PCDH9: variants seen among roughly 807,000 people sequenced by gnomAD.
The protein encoded by PCDH9 is protocadherin-9.
Under a neutral mutation model 70.6 loss-of-function variants are expected in PCDH9, and 24 were observed. The ratio of observed to expected loss-of-function variants is 0.34; its 90% CI spans 0.25 to 0.48. The LOEUF (loss-of-function observed/expected upper bound fraction) is 0.48, where lower values mean the gene tolerates loss of function less well. Among genes scored for constraint, PCDH9 ranks in the 20% least tolerant of loss-of-function variants. PCDH9 has a pLI of 0.99. For synonymous variants in PCDH9, 562 were observed against 558.5 expected (o/e 1.01, Z -0.09); for missense variants, 1,281 against 1,503.6 (o/e 0.85, Z 2.45).
At position 66,700,304 on chromosome 13, in the gene PCDH9, G is replaced by A. The variant is rs538808360; in HGVS notation, c.3139-68893C>T. Among the ~76,000 whole-genome samples the A allele has an allele frequency of 7.9e-5, 12 of 152,246 alleles. No individual in the cohort carries two copies. The South Asian group carries it at 2.1e-3, about 26-fold the overall frequency. ...TCTCTCGGCAGATTGTTAACATAAT[G>A]AGACAGAAGCCGACAAGAGGTCCTG... is the stretch of plus-strand genomic sequence containing the variant. On this transcript the variant is annotated intron_variant, in intron 3 of 4. Transcript: ENST00000377865.
rs199954708 is a variant in PCDH9 at position 66,497,234 on chromosome 13, A to AT, written c.3340+133975dup. ...CAAGCATGTGTCACCACACCTGGCT[A>AT]TTTTTTTTTTTGTATTTTTGGTAGA... On this transcript the variant is annotated intron_variant, in intron 4 of 4. Transcript: ENST00000377865. 3.4e-3 allele frequency among the ~76,000 whole-genome samples: 496 copies of AT among 143,964 alleles called. 3 individuals are homozygous for AT. The highest frequency in any genetic ancestry group is 0.023 in the South Asian group (104 of 4,520). 94.4% of individuals were successfully genotyped at this position (143,964 alleles called of 152,430 possible).
intron 2 of PCDH9, among the ~76,000 whole-genome samples, chr13:66,982,664 C>T (rs947132339): frequency 6.6e-6 from 1 of 152,086 alleles, no homozygotes; most frequent in African/African-American, 2.4e-5. Context: ...CCACCTCTGT[C>T]GAAACTAACT....
rs375788972 is a variant in PCDH9, at chr13:67,225,745, G to C, written c.2696C>G (p.Pro899Arg). Residue 899 changes from proline (P) to arginine (R), a missense_variant, in exon 2 of 5, where the codon CCT becomes CGT. Transcript: ENST00000377865. ...ESKPDDAVHE[P>R]INGTISLPAE... ...CGGCAGGCTTATTGTCCCATTGATA[G>C]GTTCATGAACTGCATCATCGGGTTT... The C allele has an allele frequency of 1.9e-6, 3 of 1,613,896 alleles. No individual in the cohort carries two copies. The highest frequency in any genetic ancestry group is 1.7e-6 in the Non-Finnish European group (2 of 1,179,926).
intron 2 of PCDH9, among the ~76,000 whole-genome samples, chr13:67,088,935 G>A (rs2086162743): frequency 1.3e-5 from 2 of 152,132 alleles, no homozygotes; most frequent in African/African-American, 4.8e-5. Flanking sequence ...AGCAGTAGCT[G>A]TAAGATTAGA....
At chr13:66,407,853 A>G (rs1957306183) in intron 4 of PCDH9, among the ~76,000 whole-genome samples, 1 of 152,130 alleles carries the variant, frequency 6.6e-6, no homozygotes, top group South Asian at 2.1e-4. Context: ...ACACCTTAAA[A>G]CTACATGTAC....
chr13:67,150,055 TA>T (rs1426806743), intron 2 of PCDH9, among the ~76,000 whole-genome samples: 10 of 152,196 alleles, frequency 6.6e-5, no homozygotes, highest in Non-Finnish European at 8.8e-5. Context: ...ATTTTATTTT[TA>T]TTTTTTTGAT....
At chr13:67,145,257 G>T (rs1374634161) in intron 2 of PCDH9, among the ~76,000 whole-genome samples, 1 of 152,024 alleles carries the variant, frequency 6.6e-6, no homozygotes, top group Non-Finnish European at 1.5e-5. Context: ...CAAAGAGGAA[G>T]TTTTCAAGAA....
At chr13:66,338,071 C>A (rs1248184217) in intron 4 of PCDH9, among the ~76,000 whole-genome samples, 1 of 152,076 alleles carries the variant, frequency 6.6e-6, no homozygotes, top group Admixed American at 6.6e-5. Flanking sequence ...GTTAATTAGG[C>A]AGCCAAAACC....
At chr13:66,344,853 GAC>G (rs1170186221) in intron 4 of PCDH9, among the ~76,000 whole-genome samples, 1 of 152,186 alleles carries the variant, frequency 6.6e-6, no homozygotes, top group Non-Finnish European at 1.5e-5. Context: ...AGAGAAGACT[GAC>G]ACAGGACTGC....
At chr13:67,043,046 T>C (rs2085153684) in intron 2 of PCDH9, among the ~76,000 whole-genome samples, 1 of 152,160 alleles carries the variant, frequency 6.6e-6, no homozygotes, top group South Asian at 2.1e-4. Context: ...ACAAGTTTAG[T>C]ATAATTGGGA....
At chr13:66,385,797 C>A (rs953671278) in intron 4 of PCDH9, among the ~76,000 whole-genome samples, 1 of 152,046 alleles carries the variant, frequency 6.6e-6, no homozygotes, top group Non-Finnish European at 1.5e-5. Flanking sequence ...ATTCTAACAG[C>A]GATTTCAAAT....
intron 2 of PCDH9, among the ~76,000 whole-genome samples, chr13:67,114,891 G>C (rs2086728679): frequency 6.6e-6 from 1 of 152,180 alleles, no homozygotes; most frequent in Admixed American, 6.5e-5. Flanking sequence ...AATTGCCTTA[G>C]TTTTGAGTAT....
intron 4 of PCDH9, among the ~76,000 whole-genome samples, chr13:66,613,054 T>C (rs922831854): frequency 6.6e-6 from 1 of 152,174 alleles, no homozygotes; most frequent in East Asian, 1.9e-4. Context: ...CTCAGACTTC[T>C]GAGGGTGGGG....
chr13:66,735,537 A>G (rs1328506413), intron 3 of PCDH9, among the ~76,000 whole-genome samples: 1 of 152,240 alleles, frequency 6.6e-6, no homozygotes, highest in African/African-American at 2.4e-5. Flanking sequence ...GAGCACATTT[A>G]GAAAATATGC....
chr13:66,949,532 G>A (rs1294972206), intron 2 of PCDH9, among the ~76,000 whole-genome samples: 1 of 151,866 alleles, frequency 6.6e-6, no homozygotes, highest in African/African-American at 2.4e-5. Context: ...GATGTGACTA[G>A]AGGGGCAAGC....
intron 3 of PCDH9, among the ~76,000 whole-genome samples, chr13:66,662,676 G>A (rs1342797659): frequency 5.3e-5 from 8 of 152,118 alleles, no homozygotes; most frequent in Admixed American, 3.9e-4. Context: ...ATGGATGGGC[G>A]AATGAAGAAA....
At chr13:66,765,617 A>C (rs566793809) in intron 3 of PCDH9, among the ~76,000 whole-genome samples, 2 of 152,230 alleles carry the variant, frequency 1.3e-5, no homozygotes, top group South Asian at 4.1e-4. Context: ...TCTGGTTTAC[A>C]AAGTAATTTA....
intron 2 of PCDH9, among the ~76,000 whole-genome samples, chr13:67,015,804 C>G (rs909476335): frequency 2.6e-5 from 4 of 152,138 alleles, no homozygotes; most frequent in Non-Finnish European, 5.9e-5. Flanking sequence ...AGTAATCTCT[C>G]ATTCATCTAT....
chr13:66,468,158 C>T (rs533728477), intron 4 of PCDH9, among the ~76,000 whole-genome samples: 3 of 152,162 alleles, frequency 2.0e-5, no homozygotes, highest in Admixed American at 6.6e-5. Context: ...AACCTGTCCA[C>T]CCTACACTCT....
Sources: gnomAD v4.1 joint callset for allele counts (sites outside exome capture counted in the v4.1 genomes callset) on GRCh38, gnomAD v4.1.1 for gene constraint, MANE v1.5 for transcripts, NCBI Gene and HGNC (gene_info 2026-07-23, HGNC 2026-07-21) for gene names.